The following BANK1 variants were observed in gnomAD, a reference collection of about 807,000 sequenced individuals.
BANK1 encodes B cell scaffold protein with ankyrin repeats 1.
BANK1 carries 95 observed loss-of-function variants against 94.5 expected under a neutral mutation model. The observed-to-expected ratio is 1.00, with a 90% confidence interval of 0.85 to 1.19. The LOEUF (loss-of-function observed/expected upper bound fraction) is 1.19. Ranked by LOEUF, BANK1 falls within the 50% of genes most tolerant of loss-of-function variation. The pLI is 0.00. For missense variants in BANK1, 987 were observed against 932.2 expected, an observed-to-expected ratio of 1.06 and a Z score of -0.77; for synonymous variants, 334 against 308.4, an observed-to-expected ratio of 1.08 and a Z score of -0.87.
At chr4:101,979,613 A>C (rs1183893067) in intron 7 of BANK1, among the ~76,000 whole-genome samples, 2 of 151,886 alleles carry the variant, frequency 1.3e-5, no homozygotes, top group African/African-American at 4.8e-5. Flanking sequence ...AATCGTGACT[A>C]TCTATGTCTA....
intron 7 of BANK1, among the ~76,000 whole-genome samples, chr4:101,934,852 C>G (rs1723475694): frequency 6.6e-6 from 1 of 151,494 alleles, no homozygotes. Context: ...TGCCACAATT[C>G]TTCATTGCAC....
At chr4:102,056,123 A>G (rs1482469094) in intron 11 of BANK1, among the ~76,000 whole-genome samples, 1 of 152,218 alleles carries the variant, frequency 6.6e-6, no homozygotes, top group African/African-American at 2.4e-5. Flanking sequence ...TGAATTGAAT[A>G]ATGCAAAATG....
At chr4:102,061,663 T>C (rs1048392385) in intron 12 of BANK1, 2 of 152,168 alleles carry the variant, frequency 1.3e-5, no homozygotes, top group African/African-American at 4.8e-5. Context: ...TTTAGAGTTA[T>C]CCAACCTAAA....
chr4:101,978,659 C>G (rs1452451290), intron 7 of BANK1, among the ~76,000 whole-genome samples: 1 of 151,910 alleles, frequency 6.6e-6, no homozygotes, highest in Non-Finnish European at 1.5e-5. Context: ...GTATCAGTGA[C>G]CGACCGTAAT....
chr4:101,979,570 A>T (rs1725257119), intron 7 of BANK1, among the ~76,000 whole-genome samples: 1 of 151,862 alleles, frequency 6.6e-6, no homozygotes, highest in South Asian at 2.1e-4. Flanking sequence ...AAATTATATG[A>T]AATTTGCTAT....
At chr4:101,906,671 C>A (rs180674174) in intron 6 of BANK1, among the ~76,000 whole-genome samples, 3 of 152,128 alleles carry the variant, frequency 2.0e-5, no homozygotes, top group African/African-American at 7.2e-5. Context: ...TGAAAAAGTT[C>A]CAAAGTGAAA....
chr4:101,947,489 G>T (rs1424056654), intron 7 of BANK1, among the ~76,000 whole-genome samples: 1 of 151,028 alleles, frequency 6.6e-6, no homozygotes, highest in Admixed American at 6.6e-5. Context: ...TATTAAAGAT[G>T]TCTGATAGGT....
chr4:102,023,137 T>C (rs1726971933), intron 8 of BANK1, among the ~76,000 whole-genome samples: 1 of 152,218 alleles, frequency 6.6e-6, no homozygotes, highest in Admixed American at 6.5e-5. Flanking sequence ...CCAGTACCTG[T>C]AACAGAACAT....
Position 101,980,785 on chromosome 4 carries a change from TTTC to T in BANK1, c.1207-40724_1207-40722del, listed in dbSNP as rs372470929. On this transcript the variant is annotated intron_variant, in intron 7 of 16. Transcript: ENST00000322953. Reference sequence around the variant, plus strand: ...GATGGTTTTACATTCTTCTTTCTTTTTTCTTCTCTTTCTTTGAGCATTTTTGTT... The same window carrying T: ...GATGGTTTTACATTCTTCTTTCTTTTTTCTCTTTCTTTGAGCATTTTTGTT... 5.9e-3 allele frequency among the ~76,000 whole-genome samples: 903 copies of T among 152,162 alleles called. 12 individuals carry two copies. The highest frequency in any genetic ancestry group is 0.02 in the African/African-American group (839 of 41,568).
chr4:101,921,646 G>A (rs1389096167), intron 7 of BANK1, among the ~76,000 whole-genome samples: 1 of 151,862 alleles, frequency 6.6e-6, no homozygotes, highest in Non-Finnish European at 1.5e-5. Flanking sequence ...AAATAGACAA[G>A]GAAAAGTACA....
At chr4:101,798,641 G>A (rs6532971) in intron 1 of BANK1, among the ~76,000 whole-genome samples, 136,375 of 152,178 alleles carry the variant, frequency 0.9, 61,456 homozygotes, top group African/African-American at 0.97. Flanking sequence ...TGACTTTTTA[G>A]TGATTGCTAT....
At chr4:101,877,756 G>T (rs558714009) in intron 5 of BANK1, among the ~76,000 whole-genome samples, 1 of 151,940 alleles carries the variant, frequency 6.6e-6, no homozygotes, top group Admixed American at 6.6e-5. Context: ...ATGGTGGCGG[G>T]TGCCTGTAAT....
chr4:102,013,936 C>G (rs1415631087), intron 7 of BANK1, among the ~76,000 whole-genome samples: 1 of 152,024 alleles, frequency 6.6e-6, no homozygotes, highest in Non-Finnish European at 1.5e-5. Flanking sequence ...GTGCTAAGCA[C>G]TTGATAGGTC....
intron 7 of BANK1, among the ~76,000 whole-genome samples, chr4:101,966,946 G>A (rs1578426146): frequency 6.6e-6 from 1 of 151,952 alleles, no homozygotes; most frequent in South Asian, 2.1e-4. Flanking sequence ...CATCCAGAAG[G>A]GAAATTATTA....
At chr4:101,923,651 A>G (rs980219969) in intron 7 of BANK1, among the ~76,000 whole-genome samples, 1 of 151,864 alleles carries the variant, frequency 6.6e-6, no homozygotes, top group African/African-American at 2.4e-5. Flanking sequence ...TGTGTGAAGC[A>G]GAAGAAAATT....
intron 9 of BANK1, among the ~76,000 whole-genome samples, chr4:102,026,641 C>T (rs772820295): frequency 1.3e-4 from 20 of 151,970 alleles, no homozygotes; most frequent in Non-Finnish European, 2.2e-4. Flanking sequence ...CCAGTCTGAC[C>T]AACATGGTGA....
intron 6 of BANK1, among the ~76,000 whole-genome samples, chr4:101,915,897 T>C (rs1318203356): frequency 6.6e-6 from 1 of 152,092 alleles, no homozygotes; most frequent in Non-Finnish European, 1.5e-5. Context: ...TCACATGTTA[T>C]ATAATGGTTC....
intron 7 of BANK1, among the ~76,000 whole-genome samples, chr4:101,933,187 AG>A (rs1414737830): frequency 6.6e-6 from 1 of 151,464 alleles, no homozygotes; most frequent in Non-Finnish European, 1.5e-5. Flanking sequence ...GGCCCATGGT[AG>A]GGATAGGACC....
At chr4:102,043,390 T>C (rs1317528096) in intron 10 of BANK1, among the ~76,000 whole-genome samples, 2 of 152,092 alleles carry the variant, frequency 1.3e-5, no homozygotes, top group Non-Finnish European at 2.9e-5. Flanking sequence ...GTGTCTTTTT[T>C]ATTATTACAT....
Sources: allele counts gnomAD v4.1 joint callset (sites outside exome capture counted in the v4.1 genomes callset), GRCh38; gene constraint gnomAD v4.1.1; transcripts MANE v1.5; gene names NCBI Gene and HGNC (gene_info 2026-07-23, HGNC 2026-07-21).